The following B3GALT1 variants were observed in gnomAD, a reference collection of about 807,000 sequenced individuals.
B3GALT1 encodes UDP-Gal:betaGlcNAc beta 1,3-galactosyltransferase, polypeptide 1.
In B3GALT1, 10 loss-of-function variants were observed where a neutral mutation model predicts 23.2. That is an observed-to-expected ratio of 0.43 (90% CI 0.27 to 0.73). The LOEUF is 0.73. B3GALT1 is among the 30% of genes least tolerant of loss of function. B3GALT1 has a pLI of 0.21. For synonymous variants in B3GALT1, 156 were observed against 141.5 expected (o/e 1.10, Z -0.73); for missense variants, 299 against 405.4 (o/e 0.74, Z 2.25).
intron 1 of B3GALT1, among the ~76,000 whole-genome samples, chr2:167,431,528 A>G (rs990193759): frequency 6.6e-6 from 1 of 152,160 alleles, no homozygotes; most frequent in Non-Finnish European, 1.5e-5. Context: ...CCCCAAATAG[A>G]TATGTTTTGC....
intron 3 of B3GALT1, among the ~76,000 whole-genome samples, chr2:167,690,562 G>A (rs1378019025): frequency 1.3e-5 from 2 of 152,094 alleles, no homozygotes; most frequent in African/African-American, 4.8e-5. Flanking sequence ...GGAAAACACA[G>A]TTATAAACCA....
intron 3 of B3GALT1, among the ~76,000 whole-genome samples, chr2:167,798,601 G>A (rs1029016777): frequency 1.3e-5 from 2 of 152,028 alleles, no homozygotes; most frequent in Non-Finnish European, 2.9e-5. Flanking sequence ...TGTAGGTGTG[G>A]GTCTTATTTC....
chr2:167,550,114 A>C (rs1038200941), intron 2 of B3GALT1, among the ~76,000 whole-genome samples: 1 of 152,212 alleles, frequency 6.6e-6, no homozygotes, highest in Non-Finnish European at 1.5e-5. Flanking sequence ...AGTTGGTTCT[A>C]ATCTCAAAAG....
rs1178033385 is a variant in B3GALT1 at position 167,871,865 on chromosome 2, AAG to A, written c.*1848_*1849del. On this transcript the variant is annotated 3_prime_UTR_variant, in exon 5 of 5. Transcript: ENST00000392690. ...TTCTCAAAGAAAGCCCCACAGCTGA[AAG>A]AGTGTACCTTTTTTATTTATTTACT... is the stretch of plus-strand genomic sequence containing the variant. The A allele has an allele frequency of 1.3e-5, 2 of 151,334 alleles. No homozygotes were observed. Among genetic ancestry groups the A allele is most frequent in the East Asian group, 3.9e-4 (2 of 5,182 alleles). The allele number at this position is 151,334 out of a possible 1,614,324, so 9.4% of individuals were successfully genotyped here. A position where few individuals can be genotyped will look rare whatever the true frequency, so the allele number is the denominator to read the frequency against.
rs1456616438 is a variant in B3GALT1, at chr2:167,864,020, G to GTGTGTGTGTGTGTGTGTGTC, written c.-229-4784_-229-4783insGTGTGTGTGTGTCTGTGTGT. 7.9e-5 allele frequency among the ~76,000 whole-genome samples: 12 copies of GTGTGTGTGTGTGTGTGTGTC among 151,442 alleles called. No homozygotes were observed. In the East Asian group the frequency reaches 2.3e-3, roughly 29 times the overall value. ...TGTGTGTGTGTGTGTGTGTGTGTGT[G>GTGTGTGTGTGTGTGTGTGTC]TGTGTGTATGTTTCAGGTCTTCATA... On this transcript the variant is annotated intron_variant, in intron 4 of 4. Transcript: ENST00000392690.
At chr2:167,487,433 T>C (rs572901125) in intron 1 of B3GALT1, among the ~76,000 whole-genome samples, 19 of 152,358 alleles carry the variant, frequency 1.2e-4, no homozygotes, top group East Asian at 3.9e-4. Flanking sequence ...TTAACAGATA[T>C]TGGTTTCCTT....
intron 2 of B3GALT1, among the ~76,000 whole-genome samples, chr2:167,504,061 AACTTCCTG>A (rs1288328943): frequency 1.3e-5 from 2 of 152,186 alleles, no homozygotes; most frequent in Admixed American, 6.5e-5. Context: ...CAACACCAAG[AACTTCCTG>A]GCTTCCTGGG....
chr2:167,700,065 T>C (rs1246666142), intron 3 of B3GALT1, among the ~76,000 whole-genome samples: 1 of 152,086 alleles, frequency 6.6e-6, no homozygotes, highest in African/African-American at 2.4e-5. Context: ...CTTGGCAACA[T>C]GGTAAAACCC....
At chr2:167,634,213 A>G (rs1409030342) in intron 2 of B3GALT1, among the ~76,000 whole-genome samples, 1 of 152,148 alleles carries the variant, frequency 6.6e-6, no homozygotes, top group Non-Finnish European at 1.5e-5. Context: ...TTTAGAGGGA[A>G]GTTTATATCA....
In B3GALT1 at chr2:167,520,196, G is replaced by A. The variant is rs558318734; in HGVS notation, c.-410+29919G>A. 7.2e-5 allele frequency among the ~76,000 whole-genome samples: 11 copies of A among 152,242 alleles called. No individual in the cohort carries two copies. In the South Asian group the frequency reaches 2.1e-3, roughly 29 times the overall value. On this transcript the variant is annotated intron_variant, in intron 2 of 4. Coordinates refer to ENST00000392690, the MANE Select transcript of B3GALT1 (RefSeq NM_020981.4). The stretch of plus-strand genomic sequence containing the variant: ...AAACCCCATCAAGACATTATTTAAA[G>A]CAATGATACCAGCATTTTAGTCCAT...
intron 3 of B3GALT1, among the ~76,000 whole-genome samples, chr2:167,788,542 A>G (rs1026232385): frequency 6.6e-6 from 1 of 152,044 alleles, no homozygotes; most frequent in African/African-American, 2.4e-5. Context: ...AATAGGGTTC[A>G]TGTTCCTATG....
At chr2:167,590,666 G>A (rs955796515) in intron 2 of B3GALT1, among the ~76,000 whole-genome samples, 2 of 152,154 alleles carry the variant, frequency 1.3e-5, no homozygotes, top group Non-Finnish European at 2.9e-5. Context: ...GGCCAAAACT[G>A]AATGCAGTTT....
chr2:167,676,183 G>A lies in B3GALT1; in HGVS notation c.-352+29217G>A, dbSNP rs73971219. On this transcript the variant is annotated intron_variant, in intron 3 of 4. Transcript: ENST00000392690. ...GCACCCCTCGCTTCCTCTCACACAC[G>A]CTGTTCTCAACACTCCCCTCTCTTT... 1.9e-3 allele frequency among the ~76,000 whole-genome samples: 293 copies of A among 151,926 alleles called. 2 individuals are homozygous for A. The highest frequency in any genetic ancestry group is 6.7e-3 in the African/African-American group (278 of 41,420).
chr2:167,729,201 G>C (rs1687368396), intron 3 of B3GALT1, among the ~76,000 whole-genome samples: 1 of 152,112 alleles, frequency 6.6e-6, no homozygotes, highest in South Asian at 2.1e-4. Flanking sequence ...TCACTCACAG[G>C]GACACCTAAA....
chr2:167,393,387 G>GA (rs944969929), intron 1 of B3GALT1, among the ~76,000 whole-genome samples: 5 of 151,686 alleles, frequency 3.3e-5, no homozygotes, highest in Admixed American at 1.3e-4. Context: ...AGAGCAGGGA[G>GA]AGTGTGGATG....
chr2:167,461,593 T>C (rs1024734961), intron 1 of B3GALT1, among the ~76,000 whole-genome samples: 2 of 152,140 alleles, frequency 1.3e-5, no homozygotes, highest in Non-Finnish European at 2.9e-5. Context: ...AATGTACATA[T>C]AGCTATAAAA....
chr2:167,504,534 A>G (rs1699892413), intron 2 of B3GALT1, among the ~76,000 whole-genome samples: 1 of 152,176 alleles, frequency 6.6e-6, no homozygotes, highest in Non-Finnish European at 1.5e-5. Context: ...AGTGATAAAT[A>G]AAAAGTGAAA....
intron 4 of B3GALT1, among the ~76,000 whole-genome samples, chr2:167,833,163 G>A (rs551875212): frequency 5.6e-4 from 86 of 152,322 alleles, no homozygotes; most frequent in African/African-American, 1.9e-3. Context: ...AAATGACTGT[G>A]GCAGTTTGGC....
At chr2:167,589,343 T>C (rs10195156) in intron 2 of B3GALT1, among the ~76,000 whole-genome samples, 27,537 of 152,126 alleles carry the variant, frequency 0.18, 2,565 homozygotes, top group Non-Finnish European at 0.2. Context: ...TGGTTGTACA[T>C]ATTAGTCTTT....
Sources: allele counts gnomAD v4.1 joint callset (sites outside exome capture counted in the v4.1 genomes callset), GRCh38; gene constraint gnomAD v4.1.1; transcripts MANE v1.5; gene names NCBI Gene and HGNC (gene_info 2026-07-23, HGNC 2026-07-21).